Variants in RASGRP3 observed in about 807,000 individuals in gnomAD.
RASGRP3 encodes RAS guanyl releasing protein 3, also known as ras guanyl-releasing protein 3.
A neutral mutation model predicts 82.7 loss-of-function variants in RASGRP3; 54 were observed. The ratio of observed to expected loss-of-function variants is 0.65; its 90% confidence interval spans 0.52 to 0.82. The LOEUF is 0.82. Ranked by LOEUF, RASGRP3 falls within the 40% of genes least tolerant of loss-of-function variation. RASGRP3 has a pLI of 0.00. For missense variants in RASGRP3, 861 were observed against 828.9 expected (o/e 1.04, Z -0.48); for synonymous variants, 309 against 300.5 (o/e 1.03, Z -0.29).
At chr2:33,505,199 C>T (rs1344511601) in intron 1 of RASGRP3, among the ~76,000 whole-genome samples, 2 of 151,946 alleles carry the variant, frequency 1.3e-5, no homozygotes, top group East Asian at 3.9e-4. Context: ...GCATCAAATC[C>T]ACTCAGAATT....
chr2:33,526,214 C>G (rs1020785113), intron 9 of RASGRP3, among the ~76,000 whole-genome samples: 7 of 152,212 alleles, frequency 4.6e-5, no homozygotes, highest in Non-Finnish European at 8.8e-5. Context: ...TGCAATTACT[C>G]TGATGATAAA....
chr2:33,521,289 A>G (rs1009819195), intron 6 of RASGRP3, among the ~76,000 whole-genome samples: 2 of 152,352 alleles, frequency 1.3e-5, no homozygotes, highest in South Asian at 2.1e-4. Flanking sequence ...CCACTTTCAT[A>G]TCAACTAGGT....
At position 33,545,910 on chromosome 2, in the gene RASGRP3, T is replaced by A. The variant is rs140945824; in HGVS notation, c.1394+2283T>A. ...ACCTCTGCCTCCTGGGTTCAAGTGATTCTCATGCCTGAGCCTCCTGAGTAG... is the reference window on the plus strand; with the variant it reads ...ACCTCTGCCTCCTGGGTTCAAGTGAATCTCATGCCTGAGCCTCCTGAGTAG... On this transcript the variant is annotated intron_variant, in intron 13 of 17. Coordinates refer to ENST00000403687, the MANE Select transcript of RASGRP3 (RefSeq NM_001139488.2). 1.1e-3 allele frequency among the ~76,000 whole-genome samples: 168 copies of A among 152,272 alleles called. 2 individuals are homozygous for A. The highest frequency in any genetic ancestry group is 3.8e-3 in the African/African-American group (158 of 41,574).
chr2:33,486,218 A>G (rs886883474), intron 1 of RASGRP3, among the ~76,000 whole-genome samples: 4 of 146,422 alleles, frequency 2.7e-5, no homozygotes, highest in African/African-American at 1.0e-4. Context: ...AGTCTGGGGT[A>G]TAGTGGCACA....
intron 2 of RASGRP3, among the ~76,000 whole-genome samples, chr2:33,463,590 C>T (rs1558405748): frequency 7.8e-6 from 1 of 128,546 alleles, no homozygotes; most frequent in Non-Finnish European, 1.6e-5. Context: ...TGCTCCTTCA[C>T]TCTTTTTTTT....
At chr2:33,441,489 C>G (rs990310751) in intron 1 of RASGRP3, among the ~76,000 whole-genome samples, 3 of 152,220 alleles carry the variant, frequency 2.0e-5, no homozygotes, top group African/African-American at 7.2e-5. Flanking sequence ...TAGAAGCAAG[C>G]TCTTTAGGAA....
At chr2:33,552,054 C>T (rs17013318) in intron 14 of RASGRP3, among the ~76,000 whole-genome samples, 73 of 152,298 alleles carry the variant, frequency 4.8e-4, no homozygotes, top group African/African-American at 1.0e-3. Context: ...ATCTTATCTC[C>T]GCTCTCTAGT....
chr2:33,554,499 C>T (rs1320921054), intron 14 of RASGRP3, among the ~76,000 whole-genome samples: 1 of 151,022 alleles, frequency 6.6e-6, no homozygotes, highest in Non-Finnish European at 1.5e-5. Context: ...TTGAGATGGA[C>T]TCTTGCTCTG....
chr2:33,561,214 G>A (rs956949706), intron 17 of RASGRP3, among the ~76,000 whole-genome samples: 2 of 152,018 alleles, frequency 1.3e-5, no homozygotes, highest in Non-Finnish European at 2.9e-5. Flanking sequence ...CTGCAGGCAT[G>A]TGCCACCATG....
At chr2:33,515,571 C>G (rs1671381964) in intron 3 of RASGRP3, among the ~76,000 whole-genome samples, 1 of 152,232 alleles carries the variant, frequency 6.6e-6, no homozygotes, top group South Asian at 2.1e-4. Flanking sequence ...CTTCCCCCAT[C>G]CCATATCCCA....
intron 1 of RASGRP3, among the ~76,000 whole-genome samples, chr2:33,506,494 A>G (rs17013172): frequency 0.046 from 7,055 of 152,288 alleles, 467 homozygotes; most frequent in African/African-American, 0.15. Context: ...AATTTTCCCA[A>G]CATTATATCT....
At chr2:33,495,990 A>C (rs1669271072) in intron 1 of RASGRP3, among the ~76,000 whole-genome samples, 1 of 152,192 alleles carries the variant, frequency 6.6e-6, no homozygotes, top group Non-Finnish European at 1.5e-5. Context: ...GAATCTAGAA[A>C]ACTGGATTTT....
At chr2:33,496,649 A>C (rs1669341892) in intron 1 of RASGRP3, among the ~76,000 whole-genome samples, 1 of 152,200 alleles carries the variant, frequency 6.6e-6, no homozygotes, top group African/African-American at 2.4e-5. Context: ...TGAGGTTAGG[A>C]GTTCAAGACC....
intron 2 of RASGRP3, among the ~76,000 whole-genome samples, chr2:33,455,574 T>C (rs942409472): frequency 6.6e-5 from 10 of 152,214 alleles, no homozygotes; most frequent in African/African-American, 2.4e-4. Flanking sequence ...CCAACACGTG[T>C]AAAATCGATG....
At chr2:33,458,665 C>T (rs960122693) in intron 2 of RASGRP3, among the ~76,000 whole-genome samples, 1 of 152,122 alleles carries the variant, frequency 6.6e-6, no homozygotes, top group Non-Finnish European at 1.5e-5. Context: ...CTTCAGTTAC[C>T]AAGGCCACAG....
intron 1 of RASGRP3, among the ~76,000 whole-genome samples, chr2:33,477,777 A>C (rs1306707320): frequency 1.3e-5 from 2 of 152,198 alleles, no homozygotes; most frequent in Non-Finnish European, 2.9e-5. Context: ...TGAAAGTGAC[A>C]GGTCTTTGAA....
chr2:33,501,557 G>A (rs1325978146), intron 1 of RASGRP3, among the ~76,000 whole-genome samples: 2 of 152,236 alleles, frequency 1.3e-5, no homozygotes, highest in Non-Finnish European at 2.9e-5. Flanking sequence ...CAAATGTTAA[G>A]TAAAACTTGT....
At chr2:33,448,749 G>A (rs1665632022) in intron 2 of RASGRP3, among the ~76,000 whole-genome samples, 1 of 150,236 alleles carries the variant, frequency 6.7e-6, no homozygotes, top group South Asian at 2.1e-4. Flanking sequence ...GGTGATGATT[G>A]CACAACATTG....
chr2:33,534,175 A>G, intron 10 of RASGRP3, 148 bp from the exon 11 acceptor site: 1 of 618,704 alleles, frequency 1.6e-6, no homozygotes, highest in Non-Finnish European at 2.9e-6. Context: ...TTCATTTTCC[A>G]TCTCTGCGTG....
Sources: gnomAD v4.1 joint callset for allele counts (sites outside exome capture counted in the v4.1 genomes callset) on GRCh38, gnomAD v4.1.1 for gene constraint, MANE v1.5 for transcripts, NCBI Gene and HGNC (gene_info 2026-07-23, HGNC 2026-07-21) for gene names.